UROC1: variants seen among roughly 807,000 people sequenced by gnomAD.
UROC1 encodes urocanate hydratase 1.
Under a neutral mutation model 89.5 loss-of-function variants are expected in UROC1, and 79 were observed. That is an observed-to-expected ratio of 0.88 (90% CI 0.74 to 1.06). UROC1 has a LOEUF of 1.06. Among genes scored for constraint, UROC1 ranks in the 50% least tolerant of loss-of-function variants. The probability of loss-of-function intolerance (pLI) is 0.00; values close to 1 mark genes in which losing one functional copy is unlikely to be tolerated. For missense variants in UROC1, 885 were observed against 907.8 expected (o/e 0.97, Z 0.32); for synonymous variants, 361 against 354.8 (o/e 1.02, Z -0.20).
rs1213015843 is a variant in UROC1, at chr3:126,499,245, AG to A, written c.1316+91del. ...GACCTCAGGGGCGGTCAGAGGCTGA[AG>A]CTTCTCCAACCTAAATACCCAGGAC... On this transcript the variant is annotated intron_variant, in intron 13 of 19. Coordinates refer to ENST00000290868, the MANE Select transcript of UROC1 (RefSeq NM_144639.3). 3.1e-5 allele frequency: 44 copies of A among 1,425,128 alleles called. No homozygotes were observed. In the East Asian group the frequency reaches 7.5e-4, roughly 24 times the overall value. The allele number at this position is 1,425,128 out of a possible 1,614,324, so 88.3% of individuals were successfully genotyped here. A position where few individuals can be genotyped will look rare whatever the true frequency, so the allele number is the denominator to read the frequency against.
chr3:126,493,390 T>G (rs867013554), intron 15 of UROC1, among the ~76,000 whole-genome samples: 1 of 152,250 alleles, frequency 6.6e-6, no homozygotes, highest in Non-Finnish European at 1.5e-5. Flanking sequence ...GGTGCACGGA[T>G]GAACCAAACG....
intron 8 of UROC1, among the ~76,000 whole-genome samples, chr3:126,504,455 A>G (rs1936008783): frequency 6.6e-6 from 1 of 152,230 alleles, no homozygotes. Context: ...CTGAAAAAAT[A>G]GAGTCATAGC....
intron 1 of UROC1, among the ~76,000 whole-genome samples, chr3:126,514,983 G>C (rs1936268738): frequency 6.6e-6 from 1 of 151,976 alleles, no homozygotes; most frequent in Admixed American, 6.5e-5. Context: ...ATAGAAAATA[G>C]AAGTCAAGCA....
intron 6 of UROC1, among the ~76,000 whole-genome samples, chr3:126,506,949 C>T (rs1043666127): frequency 1.3e-5 from 2 of 152,090 alleles, no homozygotes; most frequent in African/African-American, 4.8e-5. Context: ...CGTGGTAGTA[C>T]ATGCCTGTAA....
rs1287464891 is a variant in UROC1 at position 126,489,265 on chromosome 3, A to G, written c.1708+11T>C. 1.4e-5 allele frequency: 22 copies of G among 1,606,628 alleles called. No homozygotes were observed. Among genetic ancestry groups the G allele is most frequent in the Non-Finnish European group, 1.9e-5 (22 of 1,173,488 alleles). On this transcript the variant is annotated intron_variant, in intron 17 of 19. Transcript: ENST00000290868. ...TAAGATGAAAGTTTAAGACATTCTC[A>G]TCTTCCTCACCTGCACAGAAGGCAG...
chr3:126,499,433 A>G (rs774038960), intron 12 of UROC1, 24 bp from the exon 13 acceptor site: 1 of 1,604,244 alleles, frequency 6.2e-7, no homozygotes, highest in South Asian at 1.1e-5. Flanking sequence ...CCGGACAGTC[A>G]CCACCCAAGG....
intron 8 of UROC1, among the ~76,000 whole-genome samples, chr3:126,505,359 C>T (rs573560116): frequency 6.6e-6 from 1 of 152,306 alleles, no homozygotes; most frequent in South Asian, 2.1e-4. Flanking sequence ...TATTCACACA[C>T]ATTCATTCCC....
chr3:126,494,028 A>G (rs1465077461), intron 15 of UROC1, among the ~76,000 whole-genome samples: 1 of 152,204 alleles, frequency 6.6e-6, no homozygotes, highest in African/African-American at 2.4e-5. Flanking sequence ...AGCTGCCTCA[A>G]ATCCTTTTCA....
chr3:126,502,217 T>A (rs993022509), intron 9 of UROC1, among the ~76,000 whole-genome samples: 4 of 151,346 alleles, frequency 2.6e-5, no homozygotes, highest in African/African-American at 9.7e-5. Context: ...TGTGTGTCTG[T>A]GTGTGTTTAT....
chr3:126,481,753 G>T lies in UROC1; in HGVS notation c.*592C>A, dbSNP rs1261572301. On this transcript the variant is annotated 3_prime_UTR_variant, in exon 20 of 20. Coordinates refer to ENST00000290868, the MANE Select transcript of UROC1 (RefSeq NM_144639.3). ...GTACCCCTCAGGCTGTGCTGGCCTA[G>T]GGGGGTGCCCCTGCTCTCTCATTTC... 1 of 154,658 alleles carries T rather than the reference G, an allele frequency of 6.5e-6. No individual in the cohort carries two copies. Among genetic ancestry groups the T allele is most frequent in the African/African-American group, 2.4e-5 (1 of 41,424 alleles). 9.6% of individuals were successfully genotyped at this position (154,658 alleles called of 1,614,324 possible). A position where few individuals can be genotyped will look rare whatever the true frequency, so the allele number is the denominator to read the frequency against.
chr3:126,487,159 C>T (rs1935537646), intron 18 of UROC1, among the ~76,000 whole-genome samples: 1 of 152,152 alleles, frequency 6.6e-6, no homozygotes, highest in Non-Finnish European at 1.5e-5. Context: ...CTTCCTCGGC[C>T]TGCCTTCGGC....
intron 8 of UROC1, among the ~76,000 whole-genome samples, chr3:126,505,171 C>T (rs35675795): frequency 0.15 from 23,583 of 152,196 alleles, 2,467 homozygotes; most frequent in East Asian, 0.45. Context: ...CATGTACAGC[C>T]TGCAGAACTG....
chr3:126,485,415 A>G (rs1350294260), intron 18 of UROC1, among the ~76,000 whole-genome samples: 1 of 140,568 alleles, frequency 7.1e-6, no homozygotes, highest in African/African-American at 2.5e-5. Context: ...TCCCCTGCAC[A>G]TGGGCAGAAG....
At chr3:126,517,457 C>T in intron 1 of UROC1, 137 bp downstream of exon 1, 1 of 1,359,780 alleles carries the variant, frequency 7.4e-7, no homozygotes, top group Non-Finnish European at 1.0e-6. Flanking sequence ...TGCACCCGCA[C>T]AGGCTGGAGC....
intron 15 of UROC1, among the ~76,000 whole-genome samples, chr3:126,494,660 C>T (rs1227583569): frequency 6.6e-6 from 1 of 152,190 alleles, no homozygotes; most frequent in African/African-American, 2.4e-5. Flanking sequence ...GTTTTGTCCT[C>T]ATTACACCCA....
At chr3:126,497,536 T>C (rs1442478658) in intron 14 of UROC1, among the ~76,000 whole-genome samples, 2 of 152,110 alleles carry the variant, frequency 1.3e-5, no homozygotes, top group African/African-American at 4.8e-5. Flanking sequence ...GGCGGGAGCA[T>C]GTGGAGACAG....
rs553638251 is a variant in UROC1 at position 126,516,840 on chromosome 3, T to G, written c.126+754A>C. On this transcript the variant is annotated intron_variant, in intron 1 of 19. Transcript: ENST00000290868. ...GGCTCCGGTGCAAAGGGCAGCCATC[T>G]TTACCTGGGGAGGTAGGATTCCTCT... 5.3e-5 allele frequency among the ~76,000 whole-genome samples: 8 copies of G among 150,508 alleles called. 2 individuals carry two copies. Among genetic ancestry groups the G allele is most frequent in the African/African-American group, 2.0e-4 (8 of 40,886 alleles).
intron 14 of UROC1, among the ~76,000 whole-genome samples, chr3:126,496,572 A>G (rs1935782146): frequency 6.6e-6 from 1 of 152,210 alleles, no homozygotes; most frequent in South Asian, 2.1e-4. Context: ...GGGAACAGTC[A>G]GTGCAAAGGC....
rs1043219313 is a variant in UROC1, at chr3:126,482,291, C to T, written c.*54G>A. 1 of 1,606,032 alleles carries T rather than the reference C, an allele frequency of 6.2e-7. No homozygotes were observed. The highest frequency in any genetic ancestry group is 8.5e-7 in the Non-Finnish European group (1 of 1,175,872). ...AGGAAGGGTGTGTGCCATGGCTGGG[C>T]AGGTGAGGATCGCCAGGGAGGAAGG... On this transcript the variant is annotated 3_prime_UTR_variant, in exon 20 of 20. Transcript: ENST00000290868.
Sources: allele counts gnomAD v4.1 joint callset (sites outside exome capture counted in the v4.1 genomes callset), GRCh38; gene constraint gnomAD v4.1.1; transcripts MANE v1.5; gene names NCBI Gene and HGNC (gene_info 2026-07-23, HGNC 2026-07-21).